The following RORA variants were observed in gnomAD, a reference collection of about 807,000 sequenced individuals.
The protein encoded by RORA is nuclear receptor ROR-alpha.
A neutral mutation model predicts 69.5 loss-of-function variants in RORA; 7 were observed. That is an observed-to-expected ratio of 0.10 (90% CI 0.06 to 0.19). The LOEUF is 0.19. RORA is among the 10% of genes least tolerant of loss of function. The probability of loss-of-function intolerance (pLI) is 1.00; values close to 1 mark genes in which losing one functional copy is unlikely to be tolerated. For synonymous variants in RORA, 261 were observed against 240.8 expected, an observed-to-expected ratio of 1.08 and a Z score of -0.78; for missense variants, 457 against 663.0, an observed-to-expected ratio of 0.69 and a Z score of 3.41.
intron 1 of RORA, among the ~76,000 whole-genome samples, chr15:61,035,094 G>A (rs1278350049): frequency 1.3e-5 from 2 of 152,142 alleles, no homozygotes; most frequent in Non-Finnish European, 2.9e-5. Context: ...TCTTTGTACA[G>A]TAATTGGGAA....
intron 1 of RORA, among the ~76,000 whole-genome samples, chr15:60,739,900 C>T (rs1436771746): frequency 2.6e-5 from 4 of 152,034 alleles, no homozygotes; most frequent in African/African-American, 7.2e-5. Flanking sequence ...TAGCTTTTTT[C>T]CTCTCCTGAA....
chr15:60,727,968 T>C (rs1224421030), intron 1 of RORA, among the ~76,000 whole-genome samples: 1 of 152,212 alleles, frequency 6.6e-6, no homozygotes, highest in African/African-American at 2.4e-5. Flanking sequence ...CTGAAAGGTC[T>C]ACCTGCTCAC....
At chr15:60,910,030 A>C (rs1891660429) in intron 1 of RORA, among the ~76,000 whole-genome samples, 1 of 152,212 alleles carries the variant, frequency 6.6e-6, no homozygotes, top group African/African-American at 2.4e-5. Flanking sequence ...TGAGTTGCAA[A>C]GGGGAAAAAT....
chr15:60,674,093 A>G (rs1321048059), intron 2 of RORA, among the ~76,000 whole-genome samples: 1 of 152,236 alleles, frequency 6.6e-6, no homozygotes, highest in Non-Finnish European at 1.5e-5. Flanking sequence ...ACACCCTGCC[A>G]GCAACAGAAA....
chr15:61,202,802 G>A (rs1316138076), intron 1 of RORA, among the ~76,000 whole-genome samples: 3 of 152,010 alleles, frequency 2.0e-5, no homozygotes, highest in Non-Finnish European at 4.4e-5. Context: ...AAAAAAAGTA[G>A]GCCCATATGA....
At position 60,790,232 on chromosome 15, in the gene RORA, A is replaced by T. The variant is rs964048646; in HGVS notation, c.167-111546T>A. On this transcript the variant is annotated intron_variant, in intron 1 of 10. Coordinates refer to ENST00000335670, the MANE Select transcript of RORA (RefSeq NM_134261.3). Reference sequence around the variant, plus strand: ...CCATGGCAGATTCTCTGACCTGCAAACCAGAGAGTCGAATTTCTCATGTCT... The same window carrying T: ...CCATGGCAGATTCTCTGACCTGCAATCCAGAGAGTCGAATTTCTCATGTCT... 2.6e-5 allele frequency among the ~76,000 whole-genome samples: 4 copies of T among 152,350 alleles called. No homozygotes were observed. In the South Asian group the frequency reaches 6.2e-4, roughly 24 times the overall value.
At chr15:60,971,066 AAGTT>A (rs1263150671) in intron 1 of RORA, among the ~76,000 whole-genome samples, 1 of 152,176 alleles carries the variant, frequency 6.6e-6, no homozygotes, top group Middle Eastern at 3.2e-3. Flanking sequence ...GATGAGAACT[AAGTT>A]AGGATGAGGG....
At chr15:61,137,089 AAGAAAGAAAG>A (rs1438921045) in intron 1 of RORA, among the ~76,000 whole-genome samples, 5 of 151,066 alleles carry the variant, frequency 3.3e-5, no homozygotes, top group African/African-American at 4.9e-5. Flanking sequence ...GAAAGAAAGA[AAGAAAGAAAG>A]AAAAAAGCAA....
At chr15:60,551,588 A>T (rs1442351623) in intron 2 of RORA, among the ~76,000 whole-genome samples, 1 of 152,200 alleles carries the variant, frequency 6.6e-6, no homozygotes, top group African/African-American at 2.4e-5. Flanking sequence ...CCCCACAATG[A>T]TACTGTACTA....
chr15:61,077,310 G>A (rs1376958221), intron 1 of RORA, among the ~76,000 whole-genome samples: 2 of 152,170 alleles, frequency 1.3e-5, no homozygotes, highest in East Asian at 1.9e-4. Context: ...CATTACGGGT[G>A]CCCTACCGGA....
intron 1 of RORA, among the ~76,000 whole-genome samples, chr15:60,894,042 G>A (rs1012289798): frequency 5.3e-5 from 8 of 152,054 alleles, no homozygotes; most frequent in African/African-American, 1.9e-4. Flanking sequence ...AGACCCCATG[G>A]CCACCCCCAG....
intron 1 of RORA, among the ~76,000 whole-genome samples, chr15:60,801,343 T>C (rs539732020): frequency 2.5e-4 from 38 of 152,298 alleles, no homozygotes; most frequent in Admixed American, 2.6e-4. Flanking sequence ...GGTAAGAATA[T>C]TATATAAGGA....
chr15:60,964,931 T>C (rs1014895206), intron 1 of RORA, among the ~76,000 whole-genome samples: 2 of 152,152 alleles, frequency 1.3e-5, no homozygotes, highest in African/African-American at 2.4e-5. Context: ...TGTTTGAGAC[T>C]CTTGGGAACC....
intron 1 of RORA, among the ~76,000 whole-genome samples, chr15:60,876,318 G>C (rs1427398791): frequency 6.6e-6 from 1 of 150,472 alleles, no homozygotes; most frequent in Admixed American, 6.6e-5. Context: ...AAGTGGGGGG[G>C]GGGGGGGGCG....
chr15:60,552,789 G>A (rs765441683), intron 2 of RORA, among the ~76,000 whole-genome samples: 1 of 152,124 alleles, frequency 6.6e-6, no homozygotes, highest in Non-Finnish European at 1.5e-5. Flanking sequence ...GATGTCAAAG[G>A]AATTCACAGG....
chr15:60,517,125 C>CTTTTTTTTTTTTTTTTTTTTTTTTT (rs1555425185), intron 3 of RORA, among the ~76,000 whole-genome samples: 1 of 120,764 alleles, frequency 8.3e-6, no homozygotes, highest in Admixed American at 7.8e-5. Context: ...TTTTTTTTTC[C>CTTTTTTTTTTTTTTTTTTTTTTTTT]CCCCTACAAT....
At position 60,611,558 on chromosome 15, in the gene RORA, G is replaced by GAAAAAAAAAAAA. The variant is rs1567122905; in HGVS notation, c.196+67098_196+67099insTTTTTTTTTTTT. Among the ~76,000 whole-genome samples the GAAAAAAAAAAAA allele has an allele frequency of 1.2e-3, 3 of 2,456 alleles. 1 individual carries two copies. Among genetic ancestry groups the GAAAAAAAAAAAA allele is most frequent in the Non-Finnish European group, 7.5e-4 (1 of 1,336 alleles). The allele number at this position is 2,456 out of a possible 152,430, so 1.6% of individuals were successfully genotyped here. On this transcript the variant is annotated intron_variant, in intron 2 of 10. Transcript: ENST00000335670. Reference sequence around the variant, plus strand: ...TTTACCTCAAACAATCTTGAGTTTTGCAAAAAAAAAAAAAAAAAAAAAAAA... The same window carrying GAAAAAAAAAAAA: ...TTTACCTCAAACAATCTTGAGTTTTGAAAAAAAAAAAACAAAAAAAAAAAAAAAAAAAAAAAA...
At chr15:60,558,385 A>C (rs374723865) in intron 2 of RORA, 1 of 843,010 alleles carries the variant, frequency 1.2e-6, no homozygotes, top group South Asian at 1.6e-5. Context: ...GTTTATTACA[A>C]AACAGGAACA....
chr15:60,694,419 T>A (rs892932086), intron 1 of RORA, among the ~76,000 whole-genome samples: 1 of 152,218 alleles, frequency 6.6e-6, no homozygotes, highest in Admixed American at 6.5e-5. Flanking sequence ...TCTCCATGCC[T>A]TGCAGCGTTA....
Sources: allele counts gnomAD v4.1 joint callset (sites outside exome capture counted in the v4.1 genomes callset), GRCh38; gene constraint gnomAD v4.1.1; transcripts MANE v1.5; gene names NCBI Gene and HGNC (gene_info 2026-07-23, HGNC 2026-07-21).